The following CAPN15 variants were observed in gnomAD, a reference collection of about 807,000 sequenced individuals.
The protein encoded by CAPN15 is calpain-15.
In CAPN15, 53 loss-of-function variants were observed where a neutral mutation model predicts 97.9. That is an observed-to-expected ratio of 0.54 (90% CI 0.43 to 0.68). The LOEUF (loss-of-function observed/expected upper bound fraction) is 0.68, where lower values mean the gene tolerates loss of function less well. Among genes scored for constraint, CAPN15 ranks in the 30% least tolerant of loss-of-function variants. The pLI is 0.00. For synonymous variants in CAPN15, 922 were observed against 722.5 expected, an observed-to-expected ratio of 1.28 and a Z score of -4.43; for missense variants, 1,592 against 1,589.8, an observed-to-expected ratio of 1.00 and a Z score of -0.02.
chr16:551,675 C>A lies in CAPN15; in HGVS notation c.2345+11C>A. ...CGGCGACTTTGTCAGGTATCGGCAC[C>A]GTGGGGCGGTGTGCACGCCGCCCCC... On this transcript the variant is annotated intron_variant, in intron 9 of 13. Transcript: ENST00000219611. 1 of 1,581,114 alleles carries A rather than the reference C, an allele frequency of 6.3e-7. No individual in the cohort carries two copies. The highest frequency in any genetic ancestry group is 1.1e-5 in the South Asian group (1 of 90,664).
chr16:553,311 A>G (rs761440478), intron 13 of CAPN15, 28 bp from the exon 14 acceptor site: 2 of 1,186,610 alleles, frequency 1.7e-6, no homozygotes, highest in South Asian at 3.0e-5. Flanking sequence ...CCTGCCCTCC[A>G]CAGGTCCTCA....
In CAPN15 at chr16:551,256, CCT is replaced by C. The variant is rs200451660; in HGVS notation, c.2067-45_2067-44del. ...GAGGGTCCCCGGTCGGTGAGGGTCC[CCT>C]GTCGGTGAGGGTCCCGGTCGGTGAG... is the stretch of plus-strand genomic sequence containing the variant. On this transcript the variant is annotated intron_variant, in intron 7 of 13. Transcript: ENST00000219611. 1.3e-3 allele frequency: 2,013 copies of C among 1,529,354 alleles called. 50 individuals are homozygous for C. The African/African-American group carries it at 0.024, about 18-fold the overall frequency. The allele number at this position is 1,529,354 out of a possible 1,614,324, so 94.7% of individuals were successfully genotyped here. A position where few individuals can be genotyped will look rare whatever the true frequency, so the allele number is the denominator to read the frequency against.
At chr16:543,735 C>T (rs1332561583) in intron 3 of CAPN15, among the ~76,000 whole-genome samples, 4 of 152,206 alleles carry the variant, frequency 2.6e-5, no homozygotes, top group Non-Finnish European at 5.9e-5. Flanking sequence ...GAGCCCTCCC[C>T]ACCACGTGCA....
rs1567163585 is a variant in CAPN15 at position 553,685 on chromosome 16, C to T, written c.*169C>T. On this transcript the variant is annotated 3_prime_UTR_variant, in exon 14 of 14. Coordinates refer to ENST00000219611, the MANE Select transcript of CAPN15 (RefSeq NM_005632.3). Reference sequence around the variant, plus strand: ...ATGGGCCCCCCGCCCCCCTCCTTCCCCTCCCTGAACCCCACAGTCCGCCTG... The same window carrying T: ...ATGGGCCCCCCGCCCCCCTCCTTCCTCTCCCTGAACCCCACAGTCCGCCTG... 3.8e-6 allele frequency: 2 copies of T among 527,732 alleles called. No individual in the cohort carries two copies. The highest frequency in any genetic ancestry group is 3.3e-6 in the Non-Finnish European group (1 of 301,326). The allele number at this position is 527,732 out of a possible 1,614,324, so 32.7% of individuals were successfully genotyped here. A position where few individuals can be genotyped will look rare whatever the true frequency, so the allele number is the denominator to read the frequency against.
intron 3 of CAPN15, among the ~76,000 whole-genome samples, chr16:540,602 G>C (rs1426767801): frequency 1.3e-5 from 2 of 152,240 alleles, no homozygotes; most frequent in Non-Finnish European, 2.9e-5. Flanking sequence ...CGGCGGCCCT[G>C]TGTTTCTCAC....
Position 552,590 on chromosome 16 carries a change from C to G in CAPN15, c.2738-15C>G. 1 of 1,548,540 alleles carries G rather than the reference C, an allele frequency of 6.5e-7. No individual in the cohort carries two copies. Among genetic ancestry groups the G allele is most frequent in the Non-Finnish European group, 8.7e-7 (1 of 1,150,304 alleles). On this transcript the variant is annotated splice_polypyrimidine_tract_variant and intron_variant, in intron 11 of 13. Coordinates refer to ENST00000219611, the MANE Select transcript of CAPN15 (RefSeq NM_005632.3). This position sits in a 1 kb window ranked among gnomAD's most constrained non-coding sequence, Gnocchi z 6.4. ...CCCACGGGGAGGGCTGCGGTTCACACGCCCGTCCTTGTAGCCTCCAGCCCC... is the reference window on the plus strand; with the variant it reads ...CCCACGGGGAGGGCTGCGGTTCACAGGCCCGTCCTTGTAGCCTCCAGCCCC...
At chr16:537,290 A>G in intron 3 of CAPN15, 1 of 985,560 alleles carries the variant, frequency 1.0e-6, no homozygotes, top group Non-Finnish European at 1.2e-6. Context: ...GCAGGGGAGC[A>G]GGAGGCTGGT....
At position 546,894 on chromosome 16, in the gene CAPN15, G is replaced by T. The variant is rs1596346150; in HGVS notation, c.56G>T (p.Gly19Val). 2 of 1,611,456 alleles carry T rather than the reference G, an allele frequency of 1.2e-6. No individual in the cohort carries two copies. The highest frequency in any genetic ancestry group is 1.7e-6 in the Non-Finnish European group (2 of 1,179,794). The change falls in exon 4 of 14, where the codon GGC (glycine) becomes GTC (valine). Residue 19 changes from glycine (G) to valine (V), a missense_variant. Gly to Val is a moderately radical substitution (Grantham distance 109, BLOSUM62 -3). Coordinates refer to ENST00000219611, the MANE Select transcript of CAPN15 (RefSeq NM_005632.3). ...CGCTGCACCTTCCTGAACCCGGCCG[G>T]CCAGCGCCAGTGCTCCATCTGCGAG... is the stretch of plus-strand genomic sequence containing the variant. ...CVRCTFLNPA[G>V]QRQCSICEAP...
chr16:538,320 C>G (rs1042892930), intron 3 of CAPN15: 1 of 151,900 alleles, frequency 6.6e-6, no homozygotes, highest in African/African-American at 2.4e-5. Flanking sequence ...TTTTTCCAAC[C>G]ATTTAAAAAT....
chr16:536,065 C>T lies in CAPN15; in HGVS notation c.-100C>T, dbSNP rs1025316834. 1 of 971,258 alleles carries T rather than the reference C, an allele frequency of 1.0e-6. No individual in the cohort carries two copies. The highest frequency in any genetic ancestry group is 1.2e-6 in the Non-Finnish European group (1 of 823,298). The allele number at this position is 971,258 out of a possible 1,614,324, so 60.2% of individuals were successfully genotyped here. A position where few individuals can be genotyped will look rare whatever the true frequency, so the allele number is the denominator to read the frequency against. ...GGATGGGAACCACGGACTGACCTGA[C>T]CTGCGTCCTCGGGGCCACTGCACTG... On this transcript the variant is annotated 5_prime_UTR_variant, in exon 3 of 14. Transcript: ENST00000219611.
In CAPN15 at chr16:552,370, C is replaced by A. The variant is rs75045595; in HGVS notation, c.2577C>A (p.Ser859Arg). ...TGGTGTTCCGGGCCACGTTCGGCAG[C>A]GGCGGCCACCTCAGCCTGGGCCGCC... ...CILVFRATFGSGGHLSLGRLL... is the reference protein window; with the variant it reads ...CILVFRATFGRGGHLSLGRLL... The change falls in exon 11 of 14, where the codon AGC (serine) becomes AGA (arginine). Residue 859 changes from serine to arginine, a missense_variant. Transcript: ENST00000219611. The surrounding 1 kb of genome is among the most constrained non-coding windows in gnomAD (Gnocchi z 6.4). 4 of 1,600,542 alleles carry A rather than the reference C, an allele frequency of 2.5e-6. No homozygotes were observed. Among genetic ancestry groups the A allele is most frequent in the Middle Eastern group, 1.7e-4 (1 of 6,050 alleles).
intron 3 of CAPN15, chr16:537,176 C>A (rs1188041797): frequency 1.0e-6 from 1 of 985,494 alleles, no homozygotes; most frequent in Non-Finnish European, 1.2e-6. Context: ...GGGGACTGTG[C>A]TGTCCCTGCT....
chr16:553,002 G>A lies in CAPN15; in HGVS notation c.3044G>A (p.Gly1015Asp), dbSNP rs1326294931. The A allele has an allele frequency of 2.5e-6, 4 of 1,608,880 alleles. No homozygotes were observed. Among genetic ancestry groups the A allele is most frequent in the Non-Finnish European group, 3.4e-6 (4 of 1,177,996 alleles). Reference protein sequence around the residue: ...TDSFNVVSTRGSLRTQDSVPP... With the variant: ...TDSFNVVSTRDSLRTQDSVPP... Reference sequence around the variant, plus strand: ...AGCTTCAACGTGGTGTCCACACGCGGCAGCCTGCGTACCCAGGATAGCGTG... The same window carrying A: ...AGCTTCAACGTGGTGTCCACACGCGACAGCCTGCGTACCCAGGATAGCGTG... The change falls in exon 13 of 14, where the codon GGC (glycine) becomes GAC (aspartate). Residue 1015 changes from glycine (G) to aspartate (D), a missense_variant. Gly to Asp is a moderately conservative substitution (Grantham distance 94). Around this residue, in one of 3 missense-constraint regions of CAPN15, gnomAD observed 644 missense variants for 699.6 expected, o/e 0.92. Transcript: ENST00000219611.
Position 542,911 on chromosome 16 carries a change from C to T in CAPN15, c.-22-3906C>T, listed in dbSNP as rs532707747. Among the ~76,000 whole-genome samples, 807 of 152,242 alleles carry T rather than the reference C, an allele frequency of 5.3e-3. 5 individuals are homozygous for T. Among genetic ancestry groups the T allele is most frequent in the Non-Finnish European group, 8.4e-3 (571 of 68,014 alleles). ...TCTACTAAAACAAAAATTAGCTGGGCGTGGTGACGGGCACCTATAATCCTA... is the reference window on the plus strand; with the variant it reads ...TCTACTAAAACAAAAATTAGCTGGGTGTGGTGACGGGCACCTATAATCCTA... On this transcript the variant is annotated intron_variant, in intron 3 of 13. Transcript: ENST00000219611.
rs771271054 is a variant in CAPN15, at chr16:547,208, GAGGACA to G, written c.376_381del (p.Lys126_Asp127del). ...CACGGAGCCCGCCAGGGGGCAGTGC[GAGGACA>G]AGGACGAGGAGGAGAAGGAGGAGCA... is the stretch of plus-strand genomic sequence containing the variant. On this transcript the variant is annotated inframe_deletion, in exon 4 of 14. Coordinates refer to ENST00000219611, the MANE Select transcript of CAPN15 (RefSeq NM_005632.3). 3.0e-4 allele frequency: 466 copies of G among 1,529,972 alleles called. 1 individual carries two copies. Among genetic ancestry groups the G allele is most frequent in the Middle Eastern group, 2.2e-3 (12 of 5,470 alleles). 94.8% of individuals were successfully genotyped at this position (1,529,972 alleles called of 1,614,324 possible).
rs529407180 is a variant in CAPN15, at chr16:552,371, G to T, written c.2578G>T (p.Gly860Cys). The T allele has an allele frequency of 5.0e-6, 8 of 1,601,226 alleles. No homozygotes were observed. The highest frequency in any genetic ancestry group is 6.8e-6 in the Non-Finnish European group (8 of 1,177,208). Reference sequence around the variant, plus strand: ...GGTGTTCCGGGCCACGTTCGGCAGCGGCGGCCACCTCAGCCTGGGCCGCCT... The same window carrying T: ...GGTGTTCCGGGCCACGTTCGGCAGCTGCGGCCACCTCAGCCTGGGCCGCCT... ...ILVFRATFGSGGHLSLGRLLA... is the reference protein window; with the variant it reads ...ILVFRATFGSCGHLSLGRLLA... Residue 860 changes from glycine to cysteine, a missense_variant, in exon 11 of 14, where the codon GGC becomes TGC. Around this residue, in one of 3 missense-constraint regions of CAPN15, gnomAD observed 644 missense variants for 699.6 expected, o/e 0.92. Transcript: ENST00000219611. The surrounding 1 kb of genome is among the most constrained non-coding windows in gnomAD (Gnocchi z 6.4).
Position 529,229 on chromosome 16 carries a change from C to G in CAPN15, c.-190+1200C>G, listed in dbSNP as rs1228601499. Among the ~76,000 whole-genome samples the G allele has an allele frequency of 2.0e-5, 3 of 152,104 alleles. No individual in the cohort carries two copies. The East Asian group carries it at 5.8e-4, about 29-fold the overall frequency. On this transcript the variant is annotated intron_variant, in intron 1 of 13. Transcript: ENST00000219611. The stretch of plus-strand genomic sequence containing the variant: ...GTGACCTCTGAGTCCCCAGGAGAGC[C>G]CGAGGCTCAGTAACTGCATAACTGC...
chr16:548,877 C>G, intron 4 of CAPN15, 116 bp from the exon 5 acceptor site: 1 of 951,888 alleles, frequency 1.1e-6, no homozygotes, highest in Non-Finnish European at 1.7e-6. Context: ...ACGCTCCACC[C>G]GTCCCTTTGG....
rs1346651548 is a variant in CAPN15, at chr16:553,804, C to G, written c.*288C>G. ...GCCAGCCCCAACACCCGACGGGGGC[C>G]GAGGCCAGGCTGCCCCTCCCTGTGG... On this transcript the variant is annotated 3_prime_UTR_variant, in exon 14 of 14. Transcript: ENST00000219611. The G allele has an allele frequency of 3.1e-6, 1 of 327,732 alleles. No homozygotes were observed. Among genetic ancestry groups the G allele is most frequent in the Non-Finnish European group, 5.6e-6 (1 of 178,562 alleles). The allele number at this position is 327,732 out of a possible 1,614,324, so 20.3% of individuals were successfully genotyped here.
Sources: gnomAD v4.1 joint callset for allele counts (sites outside exome capture counted in the v4.1 genomes callset) on GRCh38, gnomAD v4.1.1 for gene constraint, gnomAD v4.1.1 regional missense constraint, Gnocchi (gnomAD v3.1) non-coding constraint, MANE v1.5 for transcripts, NCBI Gene and HGNC (gene_info 2026-07-23, HGNC 2026-07-21) for gene names.